PLEKHA8: variants seen among roughly 807,000 people sequenced by gnomAD.
PLEKHA8 encodes the protein pleckstrin homology domain containing A8.
In PLEKHA8, 36 loss-of-function variants were observed where a neutral mutation model predicts 68.2. That is an observed-to-expected ratio of 0.53 (90% CI 0.40 to 0.70). PLEKHA8 has a LOEUF of 0.70. PLEKHA8 is among the 30% of genes least tolerant of loss of function. PLEKHA8 has a pLI of 0.00. For missense variants in PLEKHA8, 505 were observed against 615.4 expected, an observed-to-expected ratio of 0.82 and a Z score of 1.90; for synonymous variants, 211 against 216.1, an observed-to-expected ratio of 0.98 and a Z score of 0.20.
At chr7:30,058,160 T>G (rs972938351) in intron 9 of PLEKHA8, among the ~76,000 whole-genome samples, 7 of 152,188 alleles carry the variant, frequency 4.6e-5, no homozygotes, top group African/African-American at 1.4e-4. Context: ...GTTTTTCTTT[T>G]TATTACTGAG....
chr7:30,056,312 C>CTCTCTCTCTCTCTCTCTCTCTATATA (rs796845171), intron 9 of PLEKHA8, among the ~76,000 whole-genome samples: 1 of 94,544 alleles, frequency 1.1e-5, no homozygotes. Flanking sequence ...CTCTCTCTCT[C>CTCTCTCTCTCTCTCTCTCTCTATATA]TATATATATA....
intron 13 of PLEKHA8, among the ~76,000 whole-genome samples, chr7:30,120,229 ATTAAAT>A (rs1261925424): frequency 1.3e-5 from 2 of 152,314 alleles, no homozygotes; most frequent in East Asian, 1.9e-4. Flanking sequence ...CTTTAGACAA[ATTAAAT>A]TTAACAGAGT....
At chr7:30,087,849 A>G (rs1281190125), downstream of PLEKHA8, among the ~76,000 whole-genome samples, 4 of 152,214 alleles carry the variant, frequency 2.6e-5, no homozygotes, top group Non-Finnish European at 4.4e-5. Context: ...GCATTTCTAA[A>G]TGATACTTTA....
At chr7:30,070,743 A>G (rs1794183053) in intron 12 of PLEKHA8, among the ~76,000 whole-genome samples, 1 of 152,148 alleles carries the variant, frequency 6.6e-6, no homozygotes, top group South Asian at 2.1e-4. Context: ...ACAGGGTTTC[A>G]CCGTCTTGTC....
chr7:30,039,371 C>T (rs888948521), intron 1 of PLEKHA8, among the ~76,000 whole-genome samples: 7 of 151,980 alleles, frequency 4.6e-5, no homozygotes, highest in African/African-American at 1.5e-4. Flanking sequence ...AAAAATTAGC[C>T]GAGTGTGCTG....
Position 30,081,329 on chromosome 7 carries a change from AG to A in PLEKHA8, c.*2543del. 2.0e-6 allele frequency: 2 copies of A among 984,582 alleles called. No individual in the cohort carries two copies. The highest frequency in any genetic ancestry group is 2.4e-6 in the Non-Finnish European group (2 of 829,182). 61.0% of individuals were successfully genotyped at this position (984,582 alleles called of 1,614,324 possible). ...TAAAAGTTTGTTTAAGATGTGTAAAAGTTTGCTTAAGGAACTGAGGATCCTT... is the reference window on the plus strand; with the variant it reads ...TAAAAGTTTGTTTAAGATGTGTAAAATTTGCTTAAGGAACTGAGGATCCTT... On this transcript the variant is annotated 3_prime_UTR_variant, in exon 14 of 14. Transcript: ENST00000449726.
chr7:30,029,993 G>C (rs953915598), intron 1 of PLEKHA8, among the ~76,000 whole-genome samples: 13 of 152,120 alleles, frequency 8.5e-5, no homozygotes, highest in Non-Finnish European at 1.6e-4. Flanking sequence ...ATGAGAAGAG[G>C]TTTTTCTTGT....
At chr7:30,056,178 C>T (rs903400694) in intron 9 of PLEKHA8, among the ~76,000 whole-genome samples, 9 of 149,938 alleles carry the variant, frequency 6.0e-5, no homozygotes, top group East Asian at 4.0e-4. Context: ...CTCCTGACCT[C>T]GTGATCCGCC....
intron 2 of PLEKHA8, among the ~76,000 whole-genome samples, chr7:30,045,504 T>G (rs1033879515): frequency 1.4e-4 from 21 of 152,136 alleles, no homozygotes; most frequent in African/African-American, 4.1e-4. Context: ...CTTAAAGTCT[T>G]TACTGCAGCA....
chr7:30,034,010 C>CTTTTGTTTT (rs1790859175), intron 1 of PLEKHA8, among the ~76,000 whole-genome samples: 12 of 34,632 alleles, frequency 3.5e-4, no homozygotes, highest in African/African-American at 1.5e-3. Flanking sequence ...TAAGAGGTTT[C>CTTTTGTTTT]TTTTTTTTTT....
At chr7:30,068,194 G>C (rs1793998347) in intron 12 of PLEKHA8, among the ~76,000 whole-genome samples, 1 of 152,194 alleles carries the variant, frequency 6.6e-6, no homozygotes, top group Admixed American at 6.5e-5. Context: ...CTGAGACTTT[G>C]CATTTCTAAC....
chr7:30,060,169 T>C (rs1012406398), intron 9 of PLEKHA8, among the ~76,000 whole-genome samples: 5 of 151,712 alleles, frequency 3.3e-5, no homozygotes, highest in Admixed American at 6.6e-5. Flanking sequence ...AGTCTGAGCA[T>C]GGTGGCTCAC....
At chr7:30,108,330 T>C (rs769574301) in intron 13 of PLEKHA8, among the ~76,000 whole-genome samples, 2 of 152,126 alleles carry the variant, frequency 1.3e-5, no homozygotes, top group Non-Finnish European at 2.9e-5. Flanking sequence ...ATACCATCCT[T>C]ATCTGATTTG....
chr7:30,033,189 T>C (rs181714526), intron 1 of PLEKHA8, among the ~76,000 whole-genome samples: 94 of 152,326 alleles, frequency 6.2e-4, no homozygotes, highest in Non-Finnish European at 9.3e-4. Flanking sequence ...CCATTTAAAA[T>C]GTACAAGTCA....
rs1384829393 is a variant in PLEKHA8 at position 30,115,501 on chromosome 7, TACATATGTAC to T, written c.1363-13759_1363-13750del. 5.9e-5 allele frequency among the ~76,000 whole-genome samples: 9 copies of T among 151,634 alleles called. No homozygotes were observed. The East Asian group carries it at 1.4e-3, about 23-fold the overall frequency. ...GTATACGTGTATGTAGACATATGTATACATATGTACACATACACGTATACATGTAGACATA... is the reference window on the plus strand; with the variant it reads ...GTATACGTGTATGTAGACATATGTATACATACACGTATACATGTAGACATA... On this transcript the variant is annotated intron_variant, in intron 13 of 13. Transcript: ENST00000396257.
intron 13 of PLEKHA8, among the ~76,000 whole-genome samples, chr7:30,096,100 A>G (rs999778291): frequency 6.6e-5 from 10 of 152,174 alleles, no homozygotes; most frequent in South Asian, 2.1e-4. Flanking sequence ...CATTTAATCT[A>G]TAAATTACCT....
At chr7:30,050,223 G>A (rs1792295936) in intron 5 of PLEKHA8, among the ~76,000 whole-genome samples, 2 of 152,144 alleles carry the variant, frequency 1.3e-5, no homozygotes, top group African/African-American at 4.8e-5. Flanking sequence ...CCTTAGAAAT[G>A]TATTTGTAAG....
At chr7:30,053,574 ACAT>A (rs1182139931) in intron 7 of PLEKHA8, among the ~76,000 whole-genome samples, 2 of 152,220 alleles carry the variant, frequency 1.3e-5, no homozygotes, top group Non-Finnish European at 2.9e-5. Flanking sequence ...GACAATCCAC[ACAT>A]CATTGGAGCC....
downstream of PLEKHA8, among the ~76,000 whole-genome samples, chr7:30,085,847 G>C (rs754429162): frequency 6.6e-6 from 1 of 152,168 alleles, no homozygotes; most frequent in Non-Finnish European, 1.5e-5. Context: ...AGAAGAAGAA[G>C]CTGGTGGAGA....
Sources: gnomAD v4.1 joint callset for allele counts (sites outside exome capture counted in the v4.1 genomes callset) on GRCh38, gnomAD v4.1.1 for gene constraint, MANE v1.5 for transcripts, NCBI Gene and HGNC (gene_info 2026-07-23, HGNC 2026-07-21) for gene names.